The following PSMG2 variants were observed in gnomAD, a reference collection of about 807,000 sequenced individuals.
PSMG2 encodes the protein proteasome assembly chaperone 2.
PSMG2 carries 21 observed loss-of-function variants against 31.5 expected under a neutral mutation model. The ratio of observed to expected loss-of-function variants is 0.67; its 90% CI spans 0.47 to 0.96. The LOEUF (loss-of-function observed/expected upper bound fraction) is 0.96, where lower values mean the gene tolerates loss of function less well. PSMG2 is among the 40% of genes least tolerant of loss of function. PSMG2 has a pLI of 0.00. For missense variants in PSMG2, 318 were observed against 321.2 expected (o/e 0.99, Z 0.08); for synonymous variants, 120 against 110.4 (o/e 1.09, Z -0.54).
intron 1 of PSMG2, among the ~76,000 whole-genome samples, chr18:12,704,849 G>A (rs1402247687): frequency 6.6e-6 from 1 of 152,144 alleles, no homozygotes; most frequent in Non-Finnish European, 1.5e-5. Context: ...ATTGCAGGAG[G>A]TAACTAGGCA....
At chr18:12,696,898 T>C (rs2039976392) in intron 1 of PSMG2, among the ~76,000 whole-genome samples, 3 of 152,190 alleles carry the variant, frequency 2.0e-5, no homozygotes, top group Non-Finnish European at 2.9e-5. Context: ...TAAGTTTGTA[T>C]GTGTGTCAAG....
intron 2 of PSMG2, among the ~76,000 whole-genome samples, chr18:12,708,378 T>TA (rs2040290957): frequency 6.6e-6 from 1 of 152,006 alleles, no homozygotes; most frequent in Admixed American, 6.6e-5. Context: ...TTTTTTTTTT[T>TA]AATGAGATGG....
intron 4 of PSMG2, among the ~76,000 whole-genome samples, chr18:12,719,864 C>T (rs1438957921): frequency 2.0e-5 from 3 of 151,018 alleles, no homozygotes; most frequent in Non-Finnish European, 4.4e-5. Context: ...CTTGGGACTA[C>T]AGGCGCATGC....
At chr18:12,698,740 T>A (rs1038867006), upstream of PSMG2, 12 of 519,284 alleles carry the variant, frequency 2.3e-5, no homozygotes, top group Admixed American at 1.4e-4. Flanking sequence ...TATTTAAGTG[T>A]GTATTACTAA....
rs767352899 is a variant in PSMG2, at chr18:12,720,565, A to G, written c.463A>G (p.Ile155Val). The G allele has an allele frequency of 1.9e-6, 3 of 1,613,250 alleles. No homozygotes were observed. In the Admixed American group the frequency reaches 5.0e-5, roughly 27 times the overall value. The stretch of plus-strand genomic sequence containing the variant: ...CATGCAAAAAAGTGTTCAAAATAAA[A>G]TAAAGAGCCTTAACTGGGAAGAAAT... The part of the protein sequence containing the change: ...PSMQKSVQNK[I>V]KSLNWEEMEK... Residue 155 changes from isoleucine to valine, a missense_variant, in exon 5 of 7, where the codon ATA (isoleucine) becomes GTA (valine). Ile to Val is a conservative substitution (Grantham distance 29). Transcript: ENST00000317615.
intron 1 of PSMG2, among the ~76,000 whole-genome samples, chr18:12,705,568 AGAGAGAGAGTGTGT>A (rs1361043078): frequency 1.6e-5 from 2 of 126,738 alleles, no homozygotes; most frequent in Non-Finnish European, 3.4e-5. Context: ...AGAGAGAGAG[AGAGAGAGAGTGTGT>A]GTGTGTGTGT....
At chr18:12,702,876 G>C, upstream of PSMG2, 1 of 572,990 alleles carries the variant, frequency 1.7e-6, no homozygotes, top group East Asian at 3.2e-5. Context: ...CCATCGCCTT[G>C]CTTGCCAGGG....
rs1233366375 is a variant in PSMG2 at position 12,686,568 on chromosome 18, T to C, written c.-36-19982T>C. 5 of 720,950 alleles carry C rather than the reference T, an allele frequency of 6.9e-6. No homozygotes were observed. In the Admixed American group the frequency reaches 7.9e-5, roughly 11 times the overall value. 44.7% of individuals were successfully genotyped at this position (720,950 alleles called of 1,614,324 possible). On this transcript the variant is annotated intron_variant, in intron 1 of 6. Coordinates refer to the PSMG2 transcript ENST00000585331. ...GCATACCATTGATCGAGTGCTTACC[T>C]TGTATCCAGTATTTGGCTGCAAAGT...
intron 1 of PSMG2, chr18:12,662,094 C>A: frequency 2.3e-6 from 1 of 426,054 alleles, no homozygotes; most frequent in Non-Finnish European, 4.6e-6. Flanking sequence ...CTGAGTCTTT[C>A]AGGGAGCACC....
upstream of PSMG2, chr18:12,702,410 C>A (rs778009976): frequency 2.9e-5 from 33 of 1,156,846 alleles, no homozygotes; most frequent in Non-Finnish European, 4.1e-5. Context: ...ATGCCGCTGT[C>A]GGCCCGGGGC....
At chr18:12,715,258 C>T (rs551554592) in intron 3 of PSMG2, among the ~76,000 whole-genome samples, 11 of 152,288 alleles carry the variant, frequency 7.2e-5, no homozygotes, top group Middle Eastern at 3.4e-3. Context: ...ATCTGCCCGC[C>T]TCAACCTCCC....
chr18:12,695,122 G>C lies in PSMG2; in HGVS notation c.-36-11428G>C, dbSNP rs1179291241. ...TTATTTTCTTCCTCATCCTTTTTGT[G>C]AACCTTTGAGTGCTAATCTAGAAAG... On this transcript the variant is annotated intron_variant, in intron 1 of 6. Transcript: ENST00000585331. The C allele has an allele frequency of 3.3e-5, 15 of 448,172 alleles. No homozygotes were observed. The Admixed American group carries it at 4.2e-4, about 13-fold the overall frequency. 27.8% of individuals were successfully genotyped at this position (448,172 alleles called of 1,614,324 possible).
At chr18:12,697,571 A>T (rs193083149) in intron 1 of PSMG2, among the ~76,000 whole-genome samples, 2 of 152,384 alleles carry the variant, frequency 1.3e-5, no homozygotes, top group African/African-American at 2.4e-5. Context: ...ATACAAGTAC[A>T]GTCCTATTTC....
At chr18:12,675,307 AATGGT>A (rs2039083403) in intron 1 of PSMG2, among the ~76,000 whole-genome samples, 1 of 152,208 alleles carries the variant, frequency 6.6e-6, no homozygotes, top group East Asian at 1.9e-4. Flanking sequence ...GAGGCAGGAG[AATGGT>A]ATGAATCCGG....
intron 1 of PSMG2, among the ~76,000 whole-genome samples, chr18:12,666,419 G>A (rs999551753): frequency 1.3e-5 from 2 of 148,612 alleles, no homozygotes; most frequent in African/African-American, 4.9e-5. Flanking sequence ...CATTTTCAGG[G>A]TTAACAAAAT....
intron 1 of PSMG2, among the ~76,000 whole-genome samples, chr18:12,703,570 G>A (rs897336040): frequency 2.0e-5 from 3 of 152,162 alleles, no homozygotes; most frequent in Non-Finnish European, 2.9e-5. Context: ...ATTAACTCTT[G>A]CCGGTAGTTA....
At chr18:12,705,373 A>G (rs1315284436) in intron 1 of PSMG2, among the ~76,000 whole-genome samples, 2 of 152,064 alleles carry the variant, frequency 1.3e-5, no homozygotes, top group East Asian at 3.9e-4. Flanking sequence ...GCCCTTTTCT[A>G]AAATACAAAA....
chr18:12,700,257 T>C (rs1032135987), upstream of PSMG2: 1 of 163,456 alleles, frequency 6.1e-6, no homozygotes, highest in Admixed American at 6.4e-5. Flanking sequence ...TAATAAAGTG[T>C]CATCACAGAG....
chr18:12,713,848 C>T (rs1036668975), intron 3 of PSMG2, among the ~76,000 whole-genome samples: 10 of 152,138 alleles, frequency 6.6e-5, no homozygotes, highest in Middle Eastern at 3.4e-3. Context: ...CAGCCTCTGC[C>T]GTCCTGGGTT....
Sources: gnomAD v4.1 joint callset for allele counts (sites outside exome capture counted in the v4.1 genomes callset) on GRCh38, gnomAD v4.1.1 for gene constraint, MANE v1.5 for transcripts, NCBI Gene and HGNC (gene_info 2026-07-23, HGNC 2026-07-21) for gene names.